DEPTOR: variants seen among roughly 807,000 people sequenced by gnomAD.
DEPTOR encodes the protein DEP domain-containing mTOR-interacting protein.
In DEPTOR, 41 loss-of-function variants were observed where a neutral mutation model predicts 41.6. The observed-to-expected ratio is 0.98, with a 90% CI of 0.77 to 1.28. The LOEUF (loss-of-function observed/expected upper bound fraction) is 1.28, where lower values mean the gene tolerates loss of function less well. Ranked by LOEUF, DEPTOR falls within the 50% of genes most tolerant of loss-of-function variation. The pLI is 0.00. For synonymous variants in DEPTOR, 195 were observed against 192.3 expected (o/e 1.01, Z -0.12); for missense variants, 514 against 527.9 (o/e 0.97, Z 0.26).
At chr8:119,937,759 C>T (rs1165381319) in intron 3 of DEPTOR, among the ~76,000 whole-genome samples, 2 of 152,134 alleles carry the variant, frequency 1.3e-5, no homozygotes, top group South Asian at 2.1e-4. Flanking sequence ...GCCAGAGTAT[C>T]ATCAATTTTA....
At chr8:119,994,550 A>G (rs373651977) in intron 4 of DEPTOR, among the ~76,000 whole-genome samples, 1 of 152,292 alleles carries the variant, frequency 6.6e-6, no homozygotes, top group East Asian at 1.9e-4. Context: ...TTAGCTGTAT[A>G]TCTGGTTATG....
intron 8 of DEPTOR, among the ~76,000 whole-genome samples, chr8:120,031,919 G>C (rs536514786): frequency 6.6e-6 from 1 of 152,168 alleles, no homozygotes; most frequent in East Asian, 1.9e-4. Flanking sequence ...TTTTTTACCA[G>C]TCTGGGAAAA....
chr8:119,934,343 G>A (rs75125032), intron 3 of DEPTOR, among the ~76,000 whole-genome samples: 4,796 of 152,306 alleles, frequency 0.031, 79 homozygotes, highest in Non-Finnish European at 0.043. Context: ...CACTAATGAA[G>A]AAGCAAGAAG....
intron 4 of DEPTOR, among the ~76,000 whole-genome samples, chr8:119,980,455 TTTC>T (rs1448019708): frequency 3.8e-4 from 8 of 20,814 alleles, no homozygotes; most frequent in South Asian, 8.6e-4. Flanking sequence ...ATTTTTCTTT[TTTC>T]TTTTCTTTTC....
At chr8:120,006,916 T>C in intron 7 of DEPTOR, 41 bp downstream of exon 7, 1 of 1,594,166 alleles carries the variant, frequency 6.3e-7, no homozygotes, top group Non-Finnish European at 8.6e-7. Context: ...TGCTGCCCAT[T>C]TTTCTGCACC....
At chr8:120,025,921 C>T (rs575342068) in intron 8 of DEPTOR, among the ~76,000 whole-genome samples, 4 of 152,040 alleles carry the variant, frequency 2.6e-5, no homozygotes, top group Non-Finnish European at 4.4e-5. Flanking sequence ...CTTCCTCCTA[C>T]GTTACCTCCA....
At chr8:119,989,192 G>C (rs942371294) in intron 4 of DEPTOR, among the ~76,000 whole-genome samples, 11 of 152,066 alleles carry the variant, frequency 7.2e-5, no homozygotes, top group African/African-American at 2.7e-4. Flanking sequence ...ATAGAGACAA[G>C]GTCTTACTAT....
At chr8:119,883,318 C>A (rs918255139) in intron 1 of DEPTOR, among the ~76,000 whole-genome samples, 1 of 151,398 alleles carries the variant, frequency 6.6e-6, no homozygotes, top group Non-Finnish European at 1.5e-5. Flanking sequence ...ACTAAAAATA[C>A]AAAAACATTA....
chr8:119,886,386 C>CGGTG (rs2129693021), intron 1 of DEPTOR, among the ~76,000 whole-genome samples: 1 of 152,184 alleles, frequency 6.6e-6, no homozygotes, highest in Non-Finnish European at 1.5e-5. Flanking sequence ...ATTCCTGAGT[C>CGGTG]GGTGGGATTG....
intron 1 of DEPTOR, among the ~76,000 whole-genome samples, chr8:119,884,294 G>T (rs569169160): frequency 6.6e-6 from 1 of 152,282 alleles, no homozygotes; most frequent in African/African-American, 2.4e-5. Flanking sequence ...CTGACCTCAA[G>T]TGATCTGCCC....
chr8:120,029,594 C>T (rs1171112066), intron 8 of DEPTOR, among the ~76,000 whole-genome samples: 3 of 152,110 alleles, frequency 2.0e-5, no homozygotes, highest in African/African-American at 7.2e-5. Flanking sequence ...CAGGGTTTCA[C>T]CATATTGGTC....
chr8:119,925,052 C>T (rs926559403), intron 1 of DEPTOR, among the ~76,000 whole-genome samples: 1 of 152,182 alleles, frequency 6.6e-6, no homozygotes, highest in African/African-American at 2.4e-5. Flanking sequence ...AAGGAAGATA[C>T]ATGGCCGTGG....
intron 1 of DEPTOR, among the ~76,000 whole-genome samples, chr8:119,883,319 A>C (rs1256055979): frequency 6.6e-6 from 1 of 151,706 alleles, no homozygotes; most frequent in African/African-American, 2.4e-5. Flanking sequence ...CTAAAAATAC[A>C]AAAACATTAG....
chr8:119,954,539 C>G (rs746881747), intron 3 of DEPTOR, among the ~76,000 whole-genome samples: 4 of 152,070 alleles, frequency 2.6e-5, no homozygotes, highest in Non-Finnish European at 5.9e-5. Flanking sequence ...GACCTAAGCC[C>G]CACAGGCCAT....
chr8:119,965,111 T>C, intron 3 of DEPTOR, 121 bp from the exon 4 acceptor site: 1 of 1,090,326 alleles, frequency 9.2e-7, no homozygotes, highest in Non-Finnish European at 1.3e-6. Context: ...TGGTGGCACC[T>C]GACAGCTGCA....
intron 1 of DEPTOR, among the ~76,000 whole-genome samples, chr8:119,920,441 G>C (rs1465969101): frequency 6.6e-6 from 1 of 152,104 alleles, no homozygotes; most frequent in Non-Finnish European, 1.5e-5. Context: ...GCTGTTTTCT[G>C]GCTTTGGAAG....
intron 1 of DEPTOR, among the ~76,000 whole-genome samples, chr8:119,904,427 A>G (rs1030324634): frequency 1.3e-5 from 2 of 150,660 alleles, no homozygotes; most frequent in Non-Finnish European, 3.0e-5. Context: ...CGTAAACCTC[A>G]GTTACCTTTA....
chr8:119,901,649 C>T (rs191140686), intron 1 of DEPTOR, among the ~76,000 whole-genome samples: 296 of 148,724 alleles, frequency 2.0e-3, no homozygotes, highest in Middle Eastern at 6.9e-3. Context: ...GCACTCCAGC[C>T]TGGGCAACAG....
chr8:120,023,039 C>G (rs1812744054), intron 8 of DEPTOR, among the ~76,000 whole-genome samples: 1 of 152,140 alleles, frequency 6.6e-6, no homozygotes, highest in Admixed American at 6.6e-5. Flanking sequence ...GCTCACAGTT[C>G]TGGAGAATGG....
Sources: allele counts gnomAD v4.1 joint callset (sites outside exome capture counted in the v4.1 genomes callset), GRCh38; gene constraint gnomAD v4.1.1; transcripts MANE v1.5; gene names NCBI Gene and HGNC (gene_info 2026-07-23, HGNC 2026-07-21).